Variants in MIS18BP1 observed in about 807,000 individuals in gnomAD.
MIS18BP1 encodes mis18-binding protein 1.
A neutral mutation model predicts 116.1 loss-of-function variants in MIS18BP1; 72 were observed. That is an observed-to-expected ratio of 0.62 (90% CI 0.51 to 0.75). The LOEUF (loss-of-function observed/expected upper bound fraction) is 0.75. Ranked by LOEUF, MIS18BP1 falls within the 30% of genes least tolerant of loss-of-function variation. The probability of loss-of-function intolerance (pLI) is 0.00; values close to 1 mark genes in which losing one functional copy is unlikely to be tolerated. For synonymous variants in MIS18BP1, 386 were observed against 427.0 expected (o/e 0.90, Z 1.18); for missense variants, 1,363 against 1,303.2 (o/e 1.05, Z -0.71).
intron 8 of MIS18BP1, 83 bp from the exon 9 acceptor site, chr14:45,227,897 C>T: frequency 1.4e-6 from 2 of 1,421,898 alleles, no homozygotes; most frequent in Non-Finnish European, 9.7e-7. Flanking sequence ...AACTTTGACG[C>T]TAGGTGTGGT....
chr14:45,206,046 T>C (rs1248552933), intron 15 of MIS18BP1, 37 bp downstream of exon 15: 3 of 1,353,118 alleles, frequency 2.2e-6, no homozygotes, highest in Non-Finnish European at 3.1e-6. Flanking sequence ...ATTAAAGTTG[T>C]TTCATAGATA....
At chr14:45,250,842 C>T (rs1345610426) in intron 1 of MIS18BP1, among the ~76,000 whole-genome samples, 1 of 152,126 alleles carries the variant, frequency 6.6e-6, no homozygotes, top group Non-Finnish European at 1.5e-5. Context: ...TGGAGACCAT[C>T]CTGTCTAACA....
chr14:45,214,139 T>A (rs1046796561), intron 13 of MIS18BP1, among the ~76,000 whole-genome samples: 18 of 152,106 alleles, frequency 1.2e-4, no homozygotes, highest in African/African-American at 4.3e-4. Flanking sequence ...CCCACACCCA[T>A]AAAGGGTCTG....
rs765986215 is a variant in MIS18BP1, at chr14:45,231,188, G to T, written c.1547C>A (p.Thr516Asn). The change falls in exon 8 of 17, where the codon ACT becomes AAT. Residue 516 changes from threonine (T) to asparagine (N), a missense_variant. Coordinates refer to ENST00000310806, the MANE Select transcript of MIS18BP1 (RefSeq NM_018353.5). ...KNDARENQTD[T>N]AQRATTTYDF... Reference sequence around the variant, plus strand: ...GTAAGTGGTGGTGGCTCTTTGAGCAGTATCTGTTTGGTTTTCTCGTGCATC... The same window carrying T: ...GTAAGTGGTGGTGGCTCTTTGAGCATTATCTGTTTGGTTTTCTCGTGCATC... 6.2e-7 allele frequency: 1 copy of T among 1,613,972 alleles called. No homozygotes were observed. Among genetic ancestry groups the T allele is most frequent in the Non-Finnish European group, 8.5e-7 (1 of 1,179,948 alleles).
chr14:45,210,662 CGT>C (rs746910394), intron 13 of MIS18BP1, 134 bp from the exon 14 acceptor site: 10 of 1,040,438 alleles, frequency 9.6e-6, no homozygotes, highest in Non-Finnish European at 1.4e-5. Context: ...AACAGTAGTA[CGT>C]AGAGGAGTAG....
At chr14:45,248,019 T>C (rs558611143) in intron 1 of MIS18BP1, among the ~76,000 whole-genome samples, 3 of 151,718 alleles carry the variant, frequency 2.0e-5, no homozygotes, top group South Asian at 4.1e-4. Flanking sequence ...AGAAATACTG[T>C]ACTTGAGTTT....
At chr14:45,238,901 C>G (rs1170969288) in intron 4 of MIS18BP1, among the ~76,000 whole-genome samples, 1 of 152,106 alleles carries the variant, frequency 6.6e-6, no homozygotes, top group Non-Finnish European at 1.5e-5. Context: ...TCTTGTCTTA[C>G]CCTCACCCAA....
Position 45,246,759 on chromosome 14 carries a change from A to G in MIS18BP1, c.528T>C (p.Asp176=). ...AAAACTAACCTCTTAGTGAACTGTC[A>G]TCTGACTGGAATGATTTGTTGTTTT... ...EKENNKSFQS[D]DSSLRASVQG... Residue 176 remains aspartate, a synonymous_variant, in exon 2 of 17, where the codon GAT becomes GAC. Coordinates refer to ENST00000310806, the MANE Select transcript of MIS18BP1 (RefSeq NM_018353.5). The G allele has an allele frequency of 6.4e-7, 1 of 1,568,648 alleles. No individual in the cohort carries two copies. Among genetic ancestry groups the G allele is most frequent in the Non-Finnish European group, 8.6e-7 (1 of 1,164,926 alleles).
intron 13 of MIS18BP1, among the ~76,000 whole-genome samples, chr14:45,212,075 C>G (rs186303974): frequency 6.6e-6 from 1 of 152,132 alleles, no homozygotes; most frequent in Non-Finnish European, 1.5e-5. Context: ...GTGGCACCCT[C>G]AGGGCTTTGC....
chr14:45,227,736 G>T lies in MIS18BP1; in HGVS notation c.1673C>A (p.Pro558Gln), dbSNP rs1028383400. The change falls in exon 9 of 17, where the codon CCA becomes CAA. Residue 558 changes from proline to glutamine, a missense_variant. Transcript: ENST00000310806. ...TTGGTCATCTGGGAACCTTAATGTTGGTTTATTTTGGCAATTACTGTGGCA... is the reference window on the plus strand; with the variant it reads ...TTGGTCATCTGGGAACCTTAATGTTTGTTTATTTTGGCAATTACTGTGGCA... ...NMCHSNCQNKPTLRFPDDQVN... is the reference protein window; with the variant it reads ...NMCHSNCQNKQTLRFPDDQVN... 1.2e-6 allele frequency: 2 copies of T among 1,613,524 alleles called. No homozygotes were observed. The highest frequency in any genetic ancestry group is 2.2e-5 in the East Asian group (1 of 44,856).
At chr14:45,233,258 C>T (rs1891338177) in intron 6 of MIS18BP1, among the ~76,000 whole-genome samples, 1 of 152,022 alleles carries the variant, frequency 6.6e-6, no homozygotes. Context: ...GTATACCTGG[C>T]CTGTTTGAAA....
rs1891599304 is a variant in MIS18BP1, at chr14:45,242,279, G to C, written c.898C>G (p.Leu300Val). ...TNCIPIKNGSLLMVSDSERTT... is the reference protein window; with the variant it reads ...TNCIPIKNGSVLMVSDSERTT... ...CTCTCACTATCAGAAACCATTAACA[G>C]GCTGCCATTTTTAATAGGAATACAA... Residue 300 changes from leucine (L) to valine (V), a missense_variant, in exon 4 of 17, where the codon CTG becomes GTG. Physicochemically the swap from Leu to Val is conservative, Grantham distance 32. Coordinates refer to ENST00000310806, the MANE Select transcript of MIS18BP1 (RefSeq NM_018353.5). 2 of 1,613,836 alleles carry C rather than the reference G, an allele frequency of 1.2e-6. No individual in the cohort carries two copies. Among genetic ancestry groups the C allele is most frequent in the Admixed American group, 1.7e-5 (1 of 59,994 alleles).
chr14:45,233,569 T>C (rs527540536), intron 6 of MIS18BP1, among the ~76,000 whole-genome samples: 9 of 152,204 alleles, frequency 5.9e-5, no homozygotes, highest in African/African-American at 2.2e-4. Flanking sequence ...GCCACTGTAA[T>C]GATACAAACA....
intron 2 of MIS18BP1, among the ~76,000 whole-genome samples, chr14:45,246,123 C>T (rs567946878): frequency 1.3e-5 from 2 of 152,226 alleles, no homozygotes; most frequent in African/African-American, 4.8e-5. Flanking sequence ...CAGTGGTTAA[C>T]TAAAAAACAA....
chr14:45,246,667 C>A, intron 2 of MIS18BP1, 76 bp downstream of exon 2: 1 of 1,398,142 alleles, frequency 7.2e-7, no homozygotes, highest in Non-Finnish European at 9.6e-7. Flanking sequence ...CTGCTATATT[C>A]TGAGCACCTA....
In MIS18BP1 at chr14:45,245,331, A is replaced by C. The variant is rs941878; in HGVS notation, c.544+1412T>G. On this transcript the variant is annotated intron_variant, in intron 2 of 16. Coordinates refer to ENST00000310806, the MANE Select transcript of MIS18BP1 (RefSeq NM_018353.5). Reference sequence around the variant, plus strand: ...TCTCCTGGTTTTTCTTCTTCCTCACAATCTTCTCAGTGGCCTTTCTACTCT... The same window carrying C: ...TCTCCTGGTTTTTCTTCTTCCTCACCATCTTCTCAGTGGCCTTTCTACTCT... Among the ~76,000 whole-genome samples, 1,106 of 149,052 alleles carry C rather than the reference A, an allele frequency of 7.4e-3. 20 individuals are homozygous for C. The highest frequency in any genetic ancestry group is 0.026 in the African/African-American group (1,050 of 40,692).
intron 10 of MIS18BP1, 97 bp downstream of exon 10, chr14:45,226,646 T>C: frequency 9.9e-7 from 1 of 1,014,874 alleles, no homozygotes. Flanking sequence ...TTTGCCATTT[T>C]ACATGAGGAA....
In MIS18BP1 at chr14:45,247,023, A is replaced by G; in HGVS notation, c.264T>C (p.Ser88=). ...TMLTEATTSN[S]SLDISAIKPN... Reference sequence around the variant, plus strand: ...GCTTTATAGCACTGATATCAAGAGAACTGTTAGAGGTAGTAGCCTCTGTTA... The same window carrying G: ...GCTTTATAGCACTGATATCAAGAGAGCTGTTAGAGGTAGTAGCCTCTGTTA... Residue 88 remains serine, a synonymous_variant, in exon 2 of 17, where the codon AGT becomes AGC. Transcript: ENST00000310806. 3 of 1,613,496 alleles carry G rather than the reference A, an allele frequency of 1.9e-6. No homozygotes were observed. Among genetic ancestry groups the G allele is most frequent in the Non-Finnish European group, 2.5e-6 (3 of 1,179,912 alleles).
In MIS18BP1 at chr14:45,232,769, CA is replaced by C. The variant is rs1891324134; in HGVS notation, c.1399del (p.Trp467GlyfsTer12). 1 of 1,485,304 alleles carries C rather than the reference CA, an allele frequency of 6.7e-7. No individual in the cohort carries two copies. Among genetic ancestry groups the C allele is most frequent in the Non-Finnish European group, 9.2e-7 (1 of 1,092,838 alleles). The allele number at this position is 1,485,304 out of a possible 1,614,324, so 92.0% of individuals were successfully genotyped here. On this transcript the variant is annotated frameshift_variant, in exon 7 of 17. Coordinates refer to ENST00000310806, the MANE Select transcript of MIS18BP1 (RefSeq NM_018353.5). LOFTEE classifies it high-confidence loss of function. ...RKFMFGFPEN[W>X]KEHIDNFLEQ... ...CAGAAAATTATCAATGTGCTCTTTC[CA>C]ATTTTCTGGAAATCCAAACATAAAT...
Sources: gnomAD v4.1 joint callset for allele counts (sites outside exome capture counted in the v4.1 genomes callset) on GRCh38, gnomAD v4.1.1 for gene constraint, MANE v1.5 for transcripts, NCBI Gene and HGNC (gene_info 2026-07-23, HGNC 2026-07-21) for gene names.